The following SIN3A variants were observed in gnomAD, a reference collection of about 807,000 sequenced individuals.
SIN3A encodes paired amphipathic helix protein Sin3a.
Under a neutral mutation model 146.1 loss-of-function variants are expected in SIN3A, and 14 were observed. That is an observed-to-expected ratio of 0.10 (90% CI 0.06 to 0.15). The LOEUF is 0.15. Among genes scored for constraint, SIN3A ranks in the 10% least tolerant of loss-of-function variants. The probability of loss-of-function intolerance (pLI) is 1.00; values close to 1 mark genes in which losing one functional copy is unlikely to be tolerated. For synonymous variants in SIN3A, 572 were observed against 572.0 expected (o/e 1.00, Z 0.00); for missense variants, 1,028 against 1,576.0 (o/e 0.65, Z 5.89).
intron 3 of SIN3A, among the ~76,000 whole-genome samples, chr15:75,417,201 G>C (rs2073755250): frequency 6.6e-6 from 1 of 152,090 alleles, no homozygotes; most frequent in Non-Finnish European, 1.5e-5. Flanking sequence ...CTATGAGTCT[G>C]ATTTAGGACA....
At chr15:75,398,869 G>A (rs1280993604) in intron 12 of SIN3A, among the ~76,000 whole-genome samples, 1 of 151,954 alleles carries the variant, frequency 6.6e-6, no homozygotes, top group African/African-American at 2.4e-5. Flanking sequence ...ATTAGCCACA[G>A]GGGGTAGGAG....
chr15:75,413,550 T>G (rs1443984524), intron 4 of SIN3A, among the ~76,000 whole-genome samples: 1 of 151,122 alleles, frequency 6.6e-6, no homozygotes, highest in Non-Finnish European at 1.5e-5. Context: ...ACAATTTGTT[T>G]TTTTTTTTTT....
chr15:75,426,073 C>T (rs2073919453), intron 2 of SIN3A, among the ~76,000 whole-genome samples: 1 of 152,228 alleles, frequency 6.6e-6, no homozygotes, highest in Admixed American at 6.5e-5. Flanking sequence ...ACAGGGTTTA[C>T]AGGCTTTCAC....
At chr15:75,403,909 T>G (rs2073460302) in intron 9 of SIN3A, among the ~76,000 whole-genome samples, 1 of 152,224 alleles carries the variant, frequency 6.6e-6, no homozygotes, top group Non-Finnish European at 1.5e-5. Flanking sequence ...ACTCTGGTAA[T>G]CTGGAATAAC....
At chr15:75,373,148 C>G (rs2072785276) in intron 20 of SIN3A, among the ~76,000 whole-genome samples, 1 of 152,112 alleles carries the variant, frequency 6.6e-6, no homozygotes, top group Admixed American at 6.5e-5. Context: ...AGAAGAGATA[C>G]AAAGACAAAA....
At position 75,369,724 on chromosome 15, in the gene SIN3A, C is replaced by A. The variant is rs1056786310; in HGVS notation, c.*2255G>T. 2.6e-5 allele frequency: 4 copies of A among 152,230 alleles called. No homozygotes were observed. Among genetic ancestry groups the A allele is most frequent in the African/African-American group, 9.7e-5 (4 of 41,450 alleles). The allele number at this position is 152,230 out of a possible 1,614,324, so 9.4% of individuals were successfully genotyped here. A position where few individuals can be genotyped will look rare whatever the true frequency, so the allele number is the denominator to read the frequency against. The stretch of plus-strand genomic sequence containing the variant: ...CAGGGGCAGCAACAGCTGGGGCTGA[C>A]CCTGATCACACCCCACCAATTTCCC... On this transcript the variant is annotated 3_prime_UTR_variant, in exon 21 of 21. Coordinates refer to ENST00000394947, the MANE Select transcript of SIN3A (RefSeq NM_001145358.2).
rs1481215374 is a variant in SIN3A at position 75,396,488 on chromosome 15, T to C, written c.1863A>G (p.Val621=). 1.9e-6 allele frequency: 3 copies of C among 1,610,316 alleles called. No individual in the cohort carries two copies. The highest frequency in any genetic ancestry group is 2.2e-5 in the East Asian group (1 of 44,832). ...RCEDERFELD[V]VLETNLATIR... Reference sequence around the variant, plus strand: ...TTGTTGCCAGATTGGTCTCTAAAACTACATCAAGCTGAAGAGGAAGACAAA... The same window carrying C: ...TTGTTGCCAGATTGGTCTCTAAAACCACATCAAGCTGAAGAGGAAGACAAA... Residue 621 remains valine (V), a synonymous_variant, in exon 13 of 21, where the codon GTA becomes GTG. Transcript: ENST00000394947.
chr15:75,453,030 T>G (rs1156621649), upstream of SIN3A: 1 of 152,232 alleles, frequency 6.6e-6, no homozygotes, highest in Non-Finnish European at 1.5e-5. Flanking sequence ...GATCTTACTT[T>G]GGGGGGCGCT....
chr15:75,422,069 G>A (rs1440428386), intron 3 of SIN3A: 1 of 153,516 alleles, frequency 6.5e-6, no homozygotes, highest in African/African-American at 2.4e-5. Context: ...GGAATAAAAA[G>A]ATAAAGGTAA....
chr15:75,389,684 T>C lies in SIN3A; in HGVS notation c.2989A>G (p.Met997Val). Residue 997 changes from methionine to valine, a missense_variant, in exon 16 of 21, where the codon ATG (methionine) becomes GTG (valine). Met to Val is a conservative substitution (Grantham distance 21). Transcript: ENST00000394947. ...ACAATGCTCTGGATCAGTTTGTCCA[T>C]GGTAAAGGCAATGTAGGCATGAATG... is the stretch of plus-strand genomic sequence containing the variant. ...FTIHAYIAFT[M>V]DKLIQSIVRQ... 5 of 1,614,144 alleles carry C rather than the reference T, an allele frequency of 3.1e-6. No individual in the cohort carries two copies. Among genetic ancestry groups the C allele is most frequent in the Non-Finnish European group, 4.2e-6 (5 of 1,180,004 alleles).
At chr15:75,452,148 ACAGGCTCCGCCTACCGCACTGCCGGGC>A (rs1249924879), upstream of SIN3A, among the ~76,000 whole-genome samples, 1 of 152,174 alleles carries the variant, frequency 6.6e-6, no homozygotes, top group Non-Finnish European at 1.5e-5. Flanking sequence ...TGTAAGTGAA[ACAGGCTCCGCCTACCGCACTGCCGGGC>A]CAGGCCCCGC....
intron 16 of SIN3A, among the ~76,000 whole-genome samples, chr15:75,387,789 T>TA (rs1476368808): frequency 6.6e-6 from 1 of 152,058 alleles, no homozygotes; most frequent in Non-Finnish European, 1.5e-5. Context: ...AAGCACAGGG[T>TA]AACTGGAGTC....
chr15:75,392,810 T>G lies in SIN3A; in HGVS notation c.2283A>C (p.Gln761His). ...CAGCATTCTCCTCCGTAGCCTGCTC[T>G]TGCCTCTGATGGGACAGAGACACAA... Reference protein sequence around the residue: ...NEIESIYDERQEQATEENAGV... With the variant: ...NEIESIYDERHEQATEENAGV... Residue 761 changes from glutamine to histidine, a missense_variant, in exon 15 of 21, where the codon CAA becomes CAC. Physicochemically the swap from Gln to His is conservative, Grantham distance 24. Around this residue, in one of 9 missense-constraint regions of SIN3A, gnomAD observed 488 missense variants for 690.2 expected, o/e 0.71. Coordinates refer to ENST00000394947, the MANE Select transcript of SIN3A (RefSeq NM_001145358.2). 2 of 1,605,598 alleles carry G rather than the reference T, an allele frequency of 1.2e-6. No individual in the cohort carries two copies. The highest frequency in any genetic ancestry group is 1.7e-6 in the Non-Finnish European group (2 of 1,175,708).
At chr15:75,424,391 G>A (rs2073890338) in intron 2 of SIN3A, among the ~76,000 whole-genome samples, 1 of 152,178 alleles carries the variant, frequency 6.6e-6, no homozygotes, top group Admixed American at 6.5e-5. Context: ...CTGAGATCAC[G>A]CCACTGCACT....
intron 1 of SIN3A, among the ~76,000 whole-genome samples, chr15:75,439,580 C>T (rs370113806): frequency 6.6e-6 from 1 of 151,712 alleles, no homozygotes; most frequent in East Asian, 2.0e-4. Context: ...CTCCTGACCT[C>T]GTGATCCGCC....
intron 17 of SIN3A, among the ~76,000 whole-genome samples, chr15:75,382,193 G>C (rs2072985151): frequency 6.6e-6 from 1 of 152,156 alleles, no homozygotes; most frequent in Non-Finnish European, 1.5e-5. Context: ...AAATTCAGAA[G>C]AGTTCTGGTT....
intron 15 of SIN3A, among the ~76,000 whole-genome samples, chr15:75,390,067 A>G (rs2073169268): frequency 6.6e-6 from 1 of 152,202 alleles, no homozygotes; most frequent in South Asian, 2.1e-4. Flanking sequence ...CCATGCTAGA[A>G]AGATACTTCT....
chr15:75,375,265 T>C (rs781412703), intron 20 of SIN3A, among the ~76,000 whole-genome samples: 1 of 152,156 alleles, frequency 6.6e-6, no homozygotes, highest in Non-Finnish European at 1.5e-5. Flanking sequence ...TACTTCCGAA[T>C]GTGACCTCAT....
intron 8 of SIN3A, among the ~76,000 whole-genome samples, 194 bp downstream of exon 8, chr15:75,409,642 G>A (rs1328951498): frequency 2.0e-5 from 3 of 151,864 alleles, no homozygotes; most frequent in Non-Finnish European, 2.9e-5. Context: ...CAGGAGAATC[G>A]CTTGAACCCG....
Sources: allele counts gnomAD v4.1 joint callset (sites outside exome capture counted in the v4.1 genomes callset), GRCh38; gene constraint gnomAD v4.1.1; regional missense constraint gnomAD v4.1.1; transcripts MANE v1.5; gene names NCBI Gene and HGNC (gene_info 2026-07-23, HGNC 2026-07-21).